SEPTIN7: variants seen among roughly 807,000 people sequenced by gnomAD.
The protein encoded by SEPTIN7 is septin 7.
SEPTIN7 carries 10 observed loss-of-function variants against 63.3 expected under a neutral mutation model. The ratio of observed to expected loss-of-function variants is 0.16; its 90% CI spans 0.10 to 0.27. The LOEUF (loss-of-function observed/expected upper bound fraction) is 0.27, where lower values mean the gene tolerates loss of function less well. SEPTIN7 is among the 10% of genes least tolerant of loss of function. SEPTIN7 has a pLI of 1.00. For missense variants in SEPTIN7, 310 were observed against 521.0 expected (o/e 0.59, Z 3.94); for synonymous variants, 131 against 165.3 (o/e 0.79, Z 1.59).
In SEPTIN7 at chr7:35,801,285, C is replaced by CG; in HGVS notation, c.61+18dup. On this transcript the variant is annotated intron_variant, in intron 1 of 13. Coordinates refer to ENST00000350320, the MANE Select transcript of SEPTIN7 (RefSeq NM_001788.6). Reference sequence around the variant, plus strand: ...CAGCACCATGGGTGAGTCTCAGCTTCGGGTGCCGCGACTTGGGGTCAGCGG... The same window carrying CG: ...CAGCACCATGGGTGAGTCTCAGCTTCGGGGTGCCGCGACTTGGGGTCAGCGG... 7.3e-7 allele frequency: 1 copy of CG among 1,371,936 alleles called. No individual in the cohort carries two copies. The highest frequency in any genetic ancestry group is 9.4e-7 in the Non-Finnish European group (1 of 1,068,564). 85.0% of individuals were successfully genotyped at this position (1,371,936 alleles called of 1,614,324 possible). A position where few individuals can be genotyped will look rare whatever the true frequency, so the allele number is the denominator to read the frequency against.
downstream of SEPTIN7, among the ~76,000 whole-genome samples, chr7:35,911,982 G>A (rs2002342): frequency 2.7e-3 from 405 of 152,352 alleles, 2 homozygotes; most frequent in African/African-American, 9.3e-3. Flanking sequence ...TGATTTCAAT[G>A]ATGATTGTGC....
At chr7:35,880,096 T>A (rs1786737725) in intron 7 of SEPTIN7, among the ~76,000 whole-genome samples, 156 bp downstream of exon 7, 1 of 152,152 alleles carries the variant, frequency 6.6e-6, no homozygotes, top group Admixed American at 6.5e-5. Flanking sequence ...CTTCTGCCTT[T>A]GTCAGTTTTT....
Position 35,832,658 on chromosome 7 carries a change from T to C in SEPTIN7, c.67-140T>C, listed in dbSNP as rs752873049. On this transcript the variant is annotated intron_variant, in intron 2 of 13. Coordinates refer to ENST00000350320, the MANE Select transcript of SEPTIN7 (RefSeq NM_001788.6). Reference sequence around the variant, plus strand: ...GTCCATTTAAGAATTGATAGTTTTATTGATAATGCCATGAAAGTAGTTTGA... The same window carrying C: ...GTCCATTTAAGAATTGATAGTTTTACTGATAATGCCATGAAAGTAGTTTGA... 23 of 662,444 alleles carry C rather than the reference T, an allele frequency of 3.5e-5. 2 individuals are homozygous for C. Among genetic ancestry groups the C allele is most frequent in the South Asian group, 3.5e-4 (22 of 63,376 alleles). 41.0% of individuals were successfully genotyped at this position (662,444 alleles called of 1,614,324 possible).
In SEPTIN7 at chr7:35,813,016, C is replaced by T. The variant is rs186232819; in HGVS notation, c.61+11746C>T. On this transcript the variant is annotated intron_variant, in intron 1 of 13. Coordinates refer to ENST00000350320, the MANE Select transcript of SEPTIN7 (RefSeq NM_001788.6). ...ATAACTTTTCTGCAAGATATAAGTC[C>T]GGAGGCCTTAATAATAACTATCATC... 2.4e-4 allele frequency among the ~76,000 whole-genome samples: 37 copies of T among 152,166 alleles called. No homozygotes were observed. In the East Asian group the frequency reaches 6.2e-3, roughly 25 times the overall value.
chr7:35,891,123 T>G (rs1312180426), intron 11 of SEPTIN7, among the ~76,000 whole-genome samples: 1 of 152,166 alleles, frequency 6.6e-6, no homozygotes, highest in Non-Finnish European at 1.5e-5. Flanking sequence ...CTTTTGGTTG[T>G]TAGAGTGGTG....
intron 1 of SEPTIN7, among the ~76,000 whole-genome samples, chr7:35,827,516 A>T (rs1456961270): frequency 6.6e-6 from 1 of 152,084 alleles, no homozygotes; most frequent in Non-Finnish European, 1.5e-5. Context: ...TTTGAGACAG[A>T]GTCTTGCTCT....
rs112736540 is a variant in SEPTIN7, at chr7:35,879,789, T to G, written c.513-34T>G. ...GAAGAATCTTGTTCTCCCAAACTGA[T>G]CAATTCAGTCAAATTAAATACTGTG... On this transcript the variant is annotated intron_variant, in intron 6 of 13. Coordinates refer to ENST00000350320, the MANE Select transcript of SEPTIN7 (RefSeq NM_001788.6). 11,501 of 1,170,326 alleles carry G rather than the reference T, an allele frequency of 9.8e-3. 316 individuals carry two copies. Among genetic ancestry groups the G allele is most frequent in the African/African-American group, 0.069 (4,533 of 65,872 alleles). 72.5% of individuals were successfully genotyped at this position (1,170,326 alleles called of 1,614,324 possible). A position where few individuals can be genotyped will look rare whatever the true frequency, so the allele number is the denominator to read the frequency against.
chr7:35,805,575 G>A (rs1193223643), intron 1 of SEPTIN7, among the ~76,000 whole-genome samples: 1 of 152,192 alleles, frequency 6.6e-6, no homozygotes, highest in Non-Finnish European at 1.5e-5. Context: ...GCAACAGACT[G>A]TCATGCTAAA....
chr7:35,822,832 C>T (rs1013147966), intron 1 of SEPTIN7, among the ~76,000 whole-genome samples: 1 of 152,160 alleles, frequency 6.6e-6, no homozygotes, highest in African/African-American at 2.4e-5. Flanking sequence ...TGTTTTCTAC[C>T]CCTTCTTAAA....
Position 35,887,365 on chromosome 7 carries a change from G to A in SEPTIN7, c.872+1486G>A, listed in dbSNP as rs369298762. 1.1e-4 allele frequency among the ~76,000 whole-genome samples: 17 copies of A among 152,294 alleles called. No individual in the cohort carries two copies. The East Asian group carries it at 3.1e-3, about 28-fold the overall frequency. ...TAGTTACTGAGCCAGAGGCTACTTT[G>A]TTGAGATGGAGTCTCACTTTCTTGC... On this transcript the variant is annotated intron_variant, in intron 10 of 13. Coordinates refer to ENST00000350320, the MANE Select transcript of SEPTIN7 (RefSeq NM_001788.6).
At chr7:35,854,884 A>G (rs1384011111) in intron 3 of SEPTIN7, among the ~76,000 whole-genome samples, 1 of 152,130 alleles carries the variant, frequency 6.6e-6, no homozygotes, top group African/African-American at 2.4e-5. Context: ...CTAGAAATAA[A>G]CACTGTTACA....
At chr7:35,838,550 T>C (rs1289345949) in intron 3 of SEPTIN7, 1 of 151,434 alleles carries the variant, frequency 6.6e-6, no homozygotes, top group Admixed American at 6.6e-5. Context: ...TTTGTTTTTG[T>C]ATTTTTTTTG....
At chr7:35,860,944 C>T (rs146532021) in intron 3 of SEPTIN7, among the ~76,000 whole-genome samples, 1 of 152,264 alleles carries the variant, frequency 6.6e-6, no homozygotes, top group East Asian at 1.9e-4. Flanking sequence ...TCTGAAACAT[C>T]CATTGAGTAT....
At chr7:35,825,943 T>C (rs1403608433) in intron 1 of SEPTIN7, among the ~76,000 whole-genome samples, 4 of 152,096 alleles carry the variant, frequency 2.6e-5, no homozygotes, top group Non-Finnish European at 5.9e-5. Flanking sequence ...GTTGTTCATA[T>C]CAGTAAAAAG....
intron 1 of SEPTIN7, among the ~76,000 whole-genome samples, chr7:35,807,462 T>C (rs1283958065): frequency 1.3e-5 from 2 of 149,774 alleles, no homozygotes; most frequent in Non-Finnish European, 3.0e-5. Flanking sequence ...CCTCCCGGGT[T>C]CACACCATTC....
intron 3 of SEPTIN7, among the ~76,000 whole-genome samples, chr7:35,863,207 TC>T (rs1200983673): frequency 6.6e-6 from 1 of 151,658 alleles, no homozygotes; most frequent in Non-Finnish European, 1.5e-5. Context: ...AAACTTTATT[TC>T]ACTCAAGCAG....
At position 35,905,100 on chromosome 7, in the gene SEPTIN7, A is replaced by G. The variant is rs1340538361; in HGVS notation, c.*807A>G. 1 of 152,628 alleles carries G rather than the reference A, an allele frequency of 6.6e-6. No homozygotes were observed. Among genetic ancestry groups the G allele is most frequent in the Non-Finnish European group, 1.5e-5 (1 of 68,038 alleles). 9.5% of individuals were successfully genotyped at this position (152,628 alleles called of 1,614,324 possible). On this transcript the variant is annotated 3_prime_UTR_variant, in exon 14 of 14. Coordinates refer to ENST00000350320, the MANE Select transcript of SEPTIN7 (RefSeq NM_001788.6). The stretch of plus-strand genomic sequence containing the variant: ...AAGTAGCAGGGGGGGAAATGCATTT[A>G]TAGATCATTTCTAGGCAAAATTGTG...
chr7:35,871,765 C>T (rs1455969391), intron 4 of SEPTIN7, among the ~76,000 whole-genome samples: 1 of 152,112 alleles, frequency 6.6e-6, no homozygotes, highest in African/African-American at 2.4e-5. Context: ...ACTTGTTATC[C>T]TTATTAAATG....
rs1786313804 is a variant in SEPTIN7 at position 35,873,889 on chromosome 7, T to G, written c.512+114T>G. ...GAAGTACACACAACTATAGCCATTA[T>G]GAAGTACTAAATTTCATGTAGAAAT... On this transcript the variant is annotated intron_variant, in intron 6 of 13. Transcript: ENST00000350320. The G allele has an allele frequency of 7.3e-6, 7 of 960,210 alleles. No individual in the cohort carries two copies. In the African/African-American group the frequency reaches 1.0e-4, roughly 14 times the overall value. The allele number at this position is 960,210 out of a possible 1,614,324, so 59.5% of individuals were successfully genotyped here.
Sources: allele counts gnomAD v4.1 joint callset (sites outside exome capture counted in the v4.1 genomes callset), GRCh38; gene constraint gnomAD v4.1.1; transcripts MANE v1.5; gene names NCBI Gene and HGNC (gene_info 2026-07-23, HGNC 2026-07-21).